EDA: variants seen among roughly 807,000 people sequenced by gnomAD.
EDA encodes ectodysplasin A, also known as ectodysplasin-A.
Under a neutral mutation model 23.6 loss-of-function variants are expected in EDA, and 2 were observed. The observed-to-expected ratio is 0.08, with a 90% CI of 0.03 to 0.27. EDA has a LOEUF of 0.27. Ranked by LOEUF, EDA falls within the 10% of genes least tolerant of loss-of-function variation. The probability of loss-of-function intolerance (pLI) is 1.00; values close to 1 mark genes in which losing one functional copy is unlikely to be tolerated. For missense variants in EDA, 229 were observed against 324.2 expected, an observed-to-expected ratio of 0.71 and a Z score of 2.26; for synonymous variants, 131 against 132.0, an observed-to-expected ratio of 0.99 and a Z score of 0.05.
chrX:69,702,308 G>A (rs768124996), intron 1 of EDA, among the ~76,000 whole-genome samples: 9 of 110,730 alleles, frequency 8.1e-5, no homozygotes, highest in African/African-American at 1.6e-4. Flanking sequence ...GGAAGGGGGC[G>A]TTGAGCTGAT....
At chrX:69,653,021 T>C (rs1409414831) in intron 1 of EDA, among the ~76,000 whole-genome samples, 3 of 111,996 alleles carry the variant, frequency 2.7e-5, no homozygotes, top group Non-Finnish European at 5.6e-5. Context: ...AAGAAAGTCA[T>C]TGGTAACTTG....
intron 1 of EDA, among the ~76,000 whole-genome samples, chrX:69,841,636 C>G (rs1206327490): frequency 8.9e-6 from 1 of 112,037 alleles, no homozygotes; most frequent in Non-Finnish European, 1.9e-5. Context: ...CAGGAATGAG[C>G]CACCATGCCC....
intron 1 of EDA, among the ~76,000 whole-genome samples, chrX:69,889,934 A>G (rs1028272523): frequency 2.7e-5 from 3 of 111,727 alleles, no homozygotes; most frequent in Non-Finnish European, 5.6e-5. Flanking sequence ...TTAGGTCTCT[A>G]TGGTCTACTT....
chrX:69,781,260 C>T (rs919541364), intron 1 of EDA, among the ~76,000 whole-genome samples: 3 of 111,119 alleles, frequency 2.7e-5, no homozygotes, highest in African/African-American at 9.8e-5. Context: ...CAAATTCTAC[C>T]TAGGAGTAGA....
At chrX:69,987,852 G>T (rs1034946853) in intron 2 of EDA, among the ~76,000 whole-genome samples, 2 of 111,198 alleles carry the variant, frequency 1.8e-5, no homozygotes, top group African/African-American at 6.5e-5. Flanking sequence ...ACAGCTCATC[G>T]TCTCTCCCCC....
At chrX:69,679,632 T>C (rs1305732553) in intron 1 of EDA, among the ~76,000 whole-genome samples, 1 of 112,075 alleles carries the variant, frequency 8.9e-6, no homozygotes, top group Non-Finnish European at 1.9e-5. Context: ...TATTCTCTGA[T>C]GGTAGTTTGT....
At chrX:69,855,381 T>A (rs932869583) in intron 1 of EDA, among the ~76,000 whole-genome samples, 3 of 112,004 alleles carry the variant, frequency 2.7e-5, no homozygotes, top group Non-Finnish European at 5.6e-5. Context: ...CGTTGTGAAA[T>A]CTTTGCCTGT....
At chrX:69,689,888 C>T (rs1322708130) in intron 1 of EDA, among the ~76,000 whole-genome samples, 1 of 111,750 alleles carries the variant, frequency 8.9e-6, no homozygotes, top group Non-Finnish European at 1.9e-5. Context: ...CATCTTTTGT[C>T]AAATTTATTC....
At chrX:69,654,828 A>C (rs899627672) in intron 1 of EDA, among the ~76,000 whole-genome samples, 1 of 108,503 alleles carries the variant, frequency 9.2e-6, no homozygotes, top group African/African-American at 3.4e-5. Context: ...GGATAGCATT[A>C]GGAGATATAC....
Position 69,616,346 on chromosome X carries a change from C to T in EDA, c.38C>T (p.Pro13Leu). 8.3e-7 allele frequency: 1 copy of T among 1,204,924 alleles called. No individual in the cohort carries two copies. The highest frequency in any genetic ancestry group is 1.1e-6 in the Non-Finnish European group (1 of 894,396). The stretch of plus-strand genomic sequence containing the variant: ...GAGGTGGAGCGCAGGGAACTCCTGC[C>T]TGCAGCAGCGCCGCGGGAGCGAGGG... ...YPEVERRELL[P>L]AAAPRERGSQ... is the part of the protein sequence containing the mutation. The change falls in exon 1 of 8, where the codon CCT becomes CTT. Residue 13 changes from proline (P) to leucine (L), a missense_variant. Pro to Leu is a moderately conservative substitution (Grantham distance 98, BLOSUM62 -3). Around this residue, in one of 2 missense-constraint regions of EDA, gnomAD observed 54 missense variants for 42.4 expected, o/e 1.27. Coordinates refer to ENST00000374552, the MANE Select transcript of EDA (RefSeq NM_001399.5).
At chrX:69,818,871 G>T (rs1189695780) in intron 1 of EDA, among the ~76,000 whole-genome samples, 2 of 111,993 alleles carry the variant, frequency 1.8e-5, no homozygotes, top group Non-Finnish European at 3.8e-5. Flanking sequence ...GTTTTATGAA[G>T]CCAGTATCAT....
At chrX:70,007,353 G>T (rs1168408650) in intron 2 of EDA, among the ~76,000 whole-genome samples, 1 of 111,485 alleles carries the variant, frequency 9.0e-6, no homozygotes, top group Non-Finnish European at 1.9e-5. Context: ...CATACATGTT[G>T]TGGAGGGGCC....
intron 6 of EDA, among the ~76,000 whole-genome samples, chrX:70,031,572 A>T (rs932440659): frequency 7.2e-5 from 8 of 111,211 alleles, no homozygotes; most frequent in African/African-American, 9.8e-5. Context: ...AAGGAAGGTT[A>T]AAAAAAACAG....
intron 1 of EDA, among the ~76,000 whole-genome samples, chrX:69,679,344 G>C (rs1324421574): frequency 9.3e-6 from 1 of 107,011 alleles, no homozygotes; most frequent in African/African-American, 3.4e-5. Flanking sequence ...CATAAAATGA[G>C]TTAGGGAGGA....
intron 1 of EDA, among the ~76,000 whole-genome samples, chrX:69,929,702 ATT>A (rs33910062): frequency 0.037 from 2,563 of 69,226 alleles, 41 homozygotes; most frequent in Admixed American, 0.037. Flanking sequence ...ACTTCATTCT[ATT>A]TTTGTGTGTG....
intron 2 of EDA, among the ~76,000 whole-genome samples, chrX:69,982,298 C>T (rs1046084492): frequency 7.2e-5 from 8 of 111,329 alleles, no homozygotes; most frequent in African/African-American, 2.3e-4. Flanking sequence ...TTGTTTTAGG[C>T]ACAAGGAACA....
intron 1 of EDA, among the ~76,000 whole-genome samples, chrX:69,891,811 G>T (rs942324401): frequency 4.5e-5 from 5 of 111,136 alleles, no homozygotes; most frequent in African/African-American, 1.6e-4. Flanking sequence ...AATTAGTGAT[G>T]CTGGGCTTCA....
At chrX:69,696,973 G>T (rs1191889016) in intron 1 of EDA, among the ~76,000 whole-genome samples, 1 of 111,823 alleles carries the variant, frequency 8.9e-6, no homozygotes, top group Non-Finnish European at 1.9e-5. Flanking sequence ...AGTTATCTGC[G>T]ATCAATTGCA....
chrX:69,624,560 G>T (rs1425214424), intron 1 of EDA, among the ~76,000 whole-genome samples: 2 of 111,242 alleles, frequency 1.8e-5, no homozygotes, highest in African/African-American at 6.5e-5. Flanking sequence ...CTGGCACGTG[G>T]TTAGAGACAC....
Sources: gnomAD v4.1 joint callset for allele counts (sites outside exome capture counted in the v4.1 genomes callset) on GRCh38, gnomAD v4.1.1 for gene constraint, gnomAD v4.1.1 regional missense constraint, MANE v1.5 for transcripts, NCBI Gene and HGNC (gene_info 2026-07-23, HGNC 2026-07-21) for gene names.